Variants in SIPA1L3 observed in about 807,000 individuals in gnomAD.
The protein encoded by SIPA1L3 is signal induced proliferation associated 1 like 3.
A neutral mutation model predicts 150.1 loss-of-function variants in SIPA1L3; 59 were observed. The observed-to-expected ratio is 0.39, with a 90% CI of 0.32 to 0.49. SIPA1L3 has a LOEUF of 0.49. Among genes scored for constraint, SIPA1L3 ranks in the 20% least tolerant of loss-of-function variants. The pLI, the probability that SIPA1L3 is intolerant of heterozygous loss-of-function variation, is 0.86. For missense variants in SIPA1L3, 2,211 were observed against 2,489.5 expected (o/e 0.89, Z 2.38); for synonymous variants, 1,070 against 1,077.6 (o/e 0.99, Z 0.14).
chr19:37,945,562 A>G (rs1266713646), intron 1 of SIPA1L3, among the ~76,000 whole-genome samples: 1 of 151,806 alleles, frequency 6.6e-6, no homozygotes, highest in African/African-American at 2.4e-5. Flanking sequence ...TTATACATCT[A>G]TGTGAGTACC....
At chr19:38,034,266 T>C (rs1290298094) in intron 2 of SIPA1L3, among the ~76,000 whole-genome samples, 1 of 152,160 alleles carries the variant, frequency 6.6e-6, no homozygotes, top group Non-Finnish European at 1.5e-5. Flanking sequence ...GGAAAAGCAG[T>C]AATAATGAAC....
At chr19:38,170,604 G>A (rs1448672844) in intron 15 of SIPA1L3, among the ~76,000 whole-genome samples, 1 of 152,200 alleles carries the variant, frequency 6.6e-6, no homozygotes, top group African/African-American at 2.4e-5. Context: ...CGGGGCCTCT[G>A]CAGGGAGCTG....
At chr19:38,188,396 T>C (rs917598437) in intron 16 of SIPA1L3, among the ~76,000 whole-genome samples, 1 of 151,362 alleles carries the variant, frequency 6.6e-6, no homozygotes, top group Admixed American at 6.6e-5. Flanking sequence ...TGTTGGCCAG[T>C]CTGGTCTCGA....
chr19:37,995,031 A>G (rs1191199781), intron 1 of SIPA1L3, among the ~76,000 whole-genome samples: 1 of 152,218 alleles, frequency 6.6e-6, no homozygotes, highest in Non-Finnish European at 1.5e-5. Flanking sequence ...CCTGAGGATC[A>G]GATCCTCAGA....
At chr19:38,117,346 G>A (rs764394285) in intron 8 of SIPA1L3, among the ~76,000 whole-genome samples, 8 of 152,184 alleles carry the variant, frequency 5.3e-5, no homozygotes, top group Admixed American at 1.3e-4. Flanking sequence ...GGGGCTGGGC[G>A]CAGTGGTTCA....
intron 1 of SIPA1L3, among the ~76,000 whole-genome samples, chr19:37,992,451 G>C (rs1967531929): frequency 6.6e-6 from 1 of 152,122 alleles, no homozygotes; most frequent in Non-Finnish European, 1.5e-5. Context: ...AGGAGTTCGA[G>C]ACCAGCCTGG....
intron 1 of SIPA1L3, among the ~76,000 whole-genome samples, chr19:37,941,708 TG>T (rs1475709010): frequency 3.3e-5 from 5 of 152,190 alleles, no homozygotes; most frequent in African/African-American, 1.2e-4. Flanking sequence ...TCCCCTGTCG[TG>T]CATTGTCAGA....
chr19:38,061,119 A>G (rs552737395), intron 2 of SIPA1L3, among the ~76,000 whole-genome samples: 37 of 152,366 alleles, frequency 2.4e-4, no homozygotes, highest in African/African-American at 8.9e-4. Context: ...GGGTGGGGTA[A>G]GAATGGGCCA....
chr19:37,984,422 C>A (rs62120133), intron 1 of SIPA1L3, among the ~76,000 whole-genome samples: 47,385 of 151,880 alleles, frequency 0.31, 8,874 homozygotes, highest in Non-Finnish European at 0.42. Context: ...TGAAGACTTG[C>A]ATCTCAATGC....
intron 15 of SIPA1L3, among the ~76,000 whole-genome samples, chr19:38,168,710 AC>A (rs1464606239): frequency 2.6e-5 from 4 of 152,114 alleles, no homozygotes; most frequent in Non-Finnish European, 4.4e-5. Context: ...GTATGAAATA[AC>A]CCTGTGTCTA....
At chr19:38,070,507 A>C (rs1969692844) in intron 2 of SIPA1L3, among the ~76,000 whole-genome samples, 1 of 152,120 alleles carries the variant, frequency 6.6e-6, no homozygotes, top group African/African-American at 2.4e-5. Flanking sequence ...TAGCACCCAC[A>C]GCAGTGGCGT....
At chr19:38,130,452 C>A in intron 9 of SIPA1L3, 46 bp from the exon 10 acceptor site, 1 of 1,571,296 alleles carries the variant, frequency 6.4e-7, no homozygotes, top group Admixed American at 1.7e-5. Context: ...TCCAGAGGAG[C>A]TGACCCAAGC....
intron 6 of SIPA1L3, among the ~76,000 whole-genome samples, chr19:38,104,342 C>T (rs1970572892): frequency 6.6e-6 from 1 of 152,228 alleles, no homozygotes; most frequent in Non-Finnish European, 1.5e-5. Flanking sequence ...CTCTCGACCT[C>T]AGTTTCCTCA....
intron 1 of SIPA1L3, among the ~76,000 whole-genome samples, chr19:37,919,842 C>G (rs1162298899): frequency 6.6e-6 from 1 of 150,926 alleles, no homozygotes; most frequent in Non-Finnish European, 1.5e-5. Flanking sequence ...TCCCAAGTAG[C>G]TGGGATTATA....
chr19:37,969,476 C>T (rs566382704), intron 1 of SIPA1L3, among the ~76,000 whole-genome samples: 24 of 149,950 alleles, frequency 1.6e-4, no homozygotes, highest in Middle Eastern at 7.3e-3. Flanking sequence ...TGCTTCAACC[C>T]GGGAGGTGGA....
chr19:38,168,491 C>T (rs920916729), intron 15 of SIPA1L3, among the ~76,000 whole-genome samples: 26 of 151,838 alleles, frequency 1.7e-4, no homozygotes, highest in African/African-American at 5.3e-4. Flanking sequence ...AAATAAAACA[C>T]TGTGGAAAAA....
chr19:37,974,287 G>A (rs772043373), intron 1 of SIPA1L3, among the ~76,000 whole-genome samples: 4 of 152,046 alleles, frequency 2.6e-5, no homozygotes, highest in South Asian at 4.1e-4. Flanking sequence ...TTGGGAGGCC[G>A]AGGCAGGAGG....
chr19:38,043,979 T>G (rs1968989752), intron 2 of SIPA1L3, among the ~76,000 whole-genome samples: 1 of 152,184 alleles, frequency 6.6e-6, no homozygotes, highest in African/African-American at 2.4e-5. Context: ...CAGAAGCTCC[T>G]GCTGTGGTCC....
chr19:38,053,659 C>T (rs1430664792), intron 2 of SIPA1L3, among the ~76,000 whole-genome samples: 3 of 151,954 alleles, frequency 2.0e-5, no homozygotes, highest in Non-Finnish European at 2.9e-5. Flanking sequence ...TGGGCTCAAG[C>T]GATCCTCCCA....
Sources: allele counts gnomAD v4.1 joint callset (sites outside exome capture counted in the v4.1 genomes callset), GRCh38; gene constraint gnomAD v4.1.1; transcripts MANE v1.5; gene names NCBI Gene and HGNC (gene_info 2026-07-23, HGNC 2026-07-21).